CLPB: variants seen among roughly 807,000 people sequenced by gnomAD.
The protein encoded by CLPB is ClpB family mitochondrial disaggregase.
In CLPB, 40 loss-of-function variants were observed where a neutral mutation model predicts 78.4. The observed-to-expected ratio is 0.51, with a 90% CI of 0.40 to 0.66. The LOEUF (loss-of-function observed/expected upper bound fraction) is 0.66. Ranked by LOEUF, CLPB falls within the 30% of genes least tolerant of loss-of-function variation. CLPB has a pLI of 0.00. For missense variants in CLPB, 780 were observed against 886.9 expected, an observed-to-expected ratio of 0.88 and a Z score of 1.53; for synonymous variants, 333 against 348.0, an observed-to-expected ratio of 0.96 and a Z score of 0.48.
At chr11:72,344,056 C>T (rs564806662) in intron 5 of CLPB, among the ~76,000 whole-genome samples, 12 of 152,226 alleles carry the variant, frequency 7.9e-5, no homozygotes, top group Non-Finnish European at 1.5e-4. Flanking sequence ...GGAGAGTCTT[C>T]CTTCAGCCTG....
chr11:72,288,569 T>G lies in CLPB; in HGVS notation c.*4798A>C, dbSNP rs1425572114. 6.6e-6 allele frequency: 1 copy of G among 152,208 alleles called. No homozygotes were observed. The highest frequency in any genetic ancestry group is 1.5e-5 in the Non-Finnish European group (1 of 68,058). The allele number at this position is 152,208 out of a possible 1,614,324, so 9.4% of individuals were successfully genotyped here. On this transcript the variant is annotated 3_prime_UTR_variant, in exon 16 of 16. Transcript: ENST00000538039. ...AGCTCAAATCCTGGCCACAGCAACA[T>G]GGGACAAATAAAAATATGCTGAGCA...
At chr11:72,320,539 C>G (rs1367763480) in intron 6 of CLPB, among the ~76,000 whole-genome samples, 1 of 152,082 alleles carries the variant, frequency 6.6e-6, no homozygotes, top group Non-Finnish European at 1.5e-5. Flanking sequence ...TCCCAGATAT[C>G]TATGCCAATT....
chr11:72,418,046 G>A (rs1856076588), intron 2 of CLPB, among the ~76,000 whole-genome samples: 1 of 152,374 alleles, frequency 6.6e-6, no homozygotes, highest in Non-Finnish European at 1.5e-5. Flanking sequence ...CAGCCTCAAA[G>A]AGGATTCTTA....
Position 72,290,012 on chromosome 11 carries a change from A to G in CLPB, c.*3355T>C, listed in dbSNP as rs1949433312. 1 of 152,196 alleles carries G rather than the reference A, an allele frequency of 6.6e-6. No individual in the cohort carries two copies. The highest frequency in any genetic ancestry group is 1.5e-5 in the Non-Finnish European group (1 of 68,032). The allele number at this position is 152,196 out of a possible 1,614,324, so 9.4% of individuals were successfully genotyped here. A position where few individuals can be genotyped will look rare whatever the true frequency, so the allele number is the denominator to read the frequency against. On this transcript the variant is annotated 3_prime_UTR_variant, in exon 16 of 16. Coordinates refer to ENST00000538039, the MANE Select transcript of CLPB (RefSeq NM_001258392.3). ...TACAAGCAATGACACTCCGCCAATG[A>G]TACTCTAGCCAGGAGTATATATTCT...
rs767017458 is a variant in CLPB, at chr11:72,307,265, A to G, written c.1067-11T>C. The G allele has an allele frequency of 3.2e-5, 51 of 1,613,576 alleles. No individual in the cohort carries two copies. In the South Asian group the frequency reaches 4.9e-4, roughly 16 times the overall value. On this transcript the variant is annotated splice_polypyrimidine_tract_variant and intron_variant, in intron 8 of 15. Transcript: ENST00000538039. ...CCAGCTCTGTTTTTCCTAGTAAGAA[A>G]GAAGGGGGAGGTGTTGGGTTAGAAC...
At chr11:72,311,283 A>G (rs1347005715) in intron 7 of CLPB, among the ~76,000 whole-genome samples, 1 of 152,088 alleles carries the variant, frequency 6.6e-6, no homozygotes, top group Non-Finnish European at 1.5e-5. Context: ...TGGGACAGAG[A>G]CCTGCATGGG....
At chr11:72,305,047 T>A (rs79915705) in intron 9 of CLPB, among the ~76,000 whole-genome samples, 1 of 152,156 alleles carries the variant, frequency 6.6e-6, no homozygotes, top group Non-Finnish European at 1.5e-5. Context: ...AGGAGTTTCA[T>A]AGAAGCACCA....
At chr11:72,300,455 TG>T (rs1949635690) in intron 11 of CLPB, among the ~76,000 whole-genome samples, 2 of 152,162 alleles carry the variant, frequency 1.3e-5, no homozygotes, top group African/African-American at 4.8e-5. Context: ...GAGGCCTCAG[TG>T]TACACGTGAG....
At chr11:72,304,780 TTTC>T (rs1438448776) in intron 9 of CLPB, among the ~76,000 whole-genome samples, 2 of 152,216 alleles carry the variant, frequency 1.3e-5, no homozygotes, top group Non-Finnish European at 2.9e-5. Context: ...CCAGTGCTCA[TTTC>T]ATTTCGTCAG....
rs1491408541 is a variant in CLPB at position 72,287,799 on chromosome 11, TAG to T, written c.*5566_*5567del. 6.6e-6 allele frequency: 1 copy of T among 152,200 alleles called. No individual in the cohort carries two copies. The highest frequency in any genetic ancestry group is 1.5e-5 in the Non-Finnish European group (1 of 68,028). 9.4% of individuals were successfully genotyped at this position (152,200 alleles called of 1,614,324 possible). On this transcript the variant is annotated 3_prime_UTR_variant, in exon 16 of 16. Transcript: ENST00000538039. ...TCCTCTGATTTCAAATTTGTTGCCA[TAG>T]AGTTCTATTCTTCTTCTCAATTCCT...
chr11:72,392,074 C>T (rs995792976), intron 3 of CLPB, among the ~76,000 whole-genome samples: 5 of 151,928 alleles, frequency 3.3e-5, no homozygotes, highest in Non-Finnish European at 5.9e-5. Flanking sequence ...GGGCCAGGCG[C>T]GTGTCAAAGA....
intron 7 of CLPB, 110 bp from the exon 8 acceptor site, chr11:72,308,714 C>A: frequency 1.0e-6 from 1 of 995,184 alleles, no homozygotes; most frequent in Non-Finnish European, 1.6e-6. Context: ...CTGCTCTGCG[C>A]CCACTCAAAG....
chr11:72,433,540 G>T (rs1031214258), intron 1 of CLPB, among the ~76,000 whole-genome samples: 1 of 138,588 alleles, frequency 7.2e-6, no homozygotes, highest in South Asian at 2.4e-4. Context: ...CTCCATCTCA[G>T]AAATAAATAA....
chr11:72,425,354 A>G (rs1467705982), intron 2 of CLPB, among the ~76,000 whole-genome samples: 1 of 152,172 alleles, frequency 6.6e-6, no homozygotes, highest in Non-Finnish European at 1.5e-5. Context: ...ATGCACTCGT[A>G]AGTATTGGCT....
Position 72,319,465 on chromosome 11 carries a change from C to T in CLPB, c.874-2245G>A, listed in dbSNP as rs900133918. 5.9e-5 allele frequency among the ~76,000 whole-genome samples: 9 copies of T among 152,374 alleles called. No individual in the cohort carries two copies. The South Asian group carries it at 1.9e-3, about 32-fold the overall frequency. ...ACAGCATCTGCTTTAATTCTTTCAG[C>T]TGTCTCCATCTGAGGTTTGGCTCTT... is the stretch of plus-strand genomic sequence containing the variant. On this transcript the variant is annotated intron_variant, in intron 6 of 15. Coordinates refer to ENST00000538039, the MANE Select transcript of CLPB (RefSeq NM_001258392.3).
At chr11:72,344,319 C>G (rs967981261) in intron 5 of CLPB, among the ~76,000 whole-genome samples, 1 of 152,090 alleles carries the variant, frequency 6.6e-6, no homozygotes, top group African/African-American at 2.4e-5. Context: ...AGCAATCCTC[C>G]CCACTCAGCC....
At chr11:72,358,596 G>A (rs1950767245) in intron 5 of CLPB, among the ~76,000 whole-genome samples, 1 of 152,128 alleles carries the variant, frequency 6.6e-6, no homozygotes, top group Non-Finnish European at 1.5e-5. Context: ...AGACAGGCAG[G>A]ATGACATGGT....
chr11:72,420,794 A>G (rs1856172972), intron 2 of CLPB, among the ~76,000 whole-genome samples: 1 of 152,178 alleles, frequency 6.6e-6, no homozygotes. Flanking sequence ...CATCTCCAGA[A>G]GTTTCTGGTA....
intron 11 of CLPB, among the ~76,000 whole-genome samples, chr11:72,296,275 G>C (rs1209209600): frequency 1.3e-5 from 2 of 152,168 alleles, no homozygotes; most frequent in Non-Finnish European, 2.9e-5. Flanking sequence ...AATGAAACAG[G>C]ACAACCTCTT....
Sources: gnomAD v4.1 joint callset for allele counts (sites outside exome capture counted in the v4.1 genomes callset) on GRCh38, gnomAD v4.1.1 for gene constraint, MANE v1.5 for transcripts, NCBI Gene and HGNC (gene_info 2026-07-23, HGNC 2026-07-21) for gene names.